The following AKT3 variants were observed in gnomAD, a reference collection of about 807,000 sequenced individuals.
AKT3 encodes the protein AKT serine/threonine kinase 3.
In AKT3, 15 loss-of-function variants were observed where a neutral mutation model predicts 65.3. The observed-to-expected ratio is 0.23, with a 90% CI of 0.15 to 0.35. The LOEUF (loss-of-function observed/expected upper bound fraction) is 0.35. Among genes scored for constraint, AKT3 ranks in the 10% least tolerant of loss-of-function variants. AKT3 has a pLI of 1.00. For missense variants in AKT3, 243 were observed against 576.5 expected (o/e 0.42, Z 5.92); for synonymous variants, 206 against 183.8 (o/e 1.12, Z -0.98).
chr1:243,696,760 C>T (rs1411298605), intron 2 of AKT3, among the ~76,000 whole-genome samples: 5 of 151,980 alleles, frequency 3.3e-5, no homozygotes, highest in African/African-American at 1.2e-4. Flanking sequence ...ATCAACTGAA[C>T]CCTTAATACG....
intron 2 of AKT3, among the ~76,000 whole-genome samples, chr1:243,712,229 T>G (rs1686208117): frequency 6.6e-6 from 1 of 152,212 alleles, no homozygotes; most frequent in South Asian, 2.1e-4. Flanking sequence ...AAAGGAAAAG[T>G]CAAGGTGGCT....
intron 3 of AKT3, among the ~76,000 whole-genome samples, chr1:243,677,459 A>G (rs977939183): frequency 1.3e-5 from 2 of 152,152 alleles, no homozygotes; most frequent in African/African-American, 4.8e-5. Context: ...AACATTTCAG[A>G]AACAATATAA....
intron 12 of AKT3, among the ~76,000 whole-genome samples, chr1:243,515,710 G>A (rs1249961848): frequency 6.6e-6 from 1 of 152,120 alleles, no homozygotes; most frequent in Non-Finnish European, 1.5e-5. Flanking sequence ...CTCTTTGCGG[G>A]CCAGGTGTGG....
intron 2 of AKT3, among the ~76,000 whole-genome samples, chr1:243,832,985 C>T (rs1345293188): frequency 1.3e-5 from 2 of 152,082 alleles, no homozygotes; most frequent in African/African-American, 2.4e-5. Context: ...TGAGGCCGGG[C>T]GCAGTGGCTC....
At chr1:243,515,960 G>A (rs1295041658) in intron 12 of AKT3, among the ~76,000 whole-genome samples, 1 of 148,252 alleles carries the variant, frequency 6.7e-6, no homozygotes. Context: ...CTGGGCGACG[G>A]AGCAAGACTC....
At chr1:243,799,743 G>C (rs1045270708) in intron 2 of AKT3, among the ~76,000 whole-genome samples, 1 of 152,086 alleles carries the variant, frequency 6.6e-6, no homozygotes, top group Non-Finnish European at 1.5e-5. Context: ...GAGCTTTTTT[G>C]AAAGTCTGAT....
chr1:243,712,325 A>G (rs1306026863), intron 2 of AKT3, among the ~76,000 whole-genome samples: 1 of 152,216 alleles, frequency 6.6e-6, no homozygotes, highest in Non-Finnish European at 1.5e-5. Flanking sequence ...TTTTCTAGAT[A>G]GACCTGACCT....
intron 8 of AKT3, among the ~76,000 whole-genome samples, chr1:243,573,964 T>C (rs751566060): frequency 2.0e-5 from 3 of 152,180 alleles, no homozygotes; most frequent in African/African-American, 4.8e-5. Flanking sequence ...TCTTTGTTGT[T>C]GAAACATGCT....
Position 243,645,870 on chromosome 1 carries a change from G to A in AKT3, c.429+23C>T, listed in dbSNP as rs759887752. ...CTTCCAGACAAATGAATGCTGTGCT[G>A]GGAATAAGTTATTATTTTCTACCTT... On this transcript the variant is annotated intron_variant, in intron 5 of 13. Coordinates refer to ENST00000673466, the MANE Select transcript of AKT3 (RefSeq NM_005465.7). 8 of 1,585,758 alleles carry A rather than the reference G, an allele frequency of 5.0e-6. No individual in the cohort carries two copies. The African/African-American group carries it at 9.5e-5, about 19-fold the overall frequency.
chr1:243,596,037 T>G (rs2148563008), intron 8 of AKT3, among the ~76,000 whole-genome samples: 1 of 152,294 alleles, frequency 6.6e-6, no homozygotes, highest in African/African-American at 2.4e-5. Context: ...CAGTATGACT[T>G]ACAACATTTA....
At chr1:243,806,564 T>C (rs183068229) in intron 2 of AKT3, among the ~76,000 whole-genome samples, 96 of 152,330 alleles carry the variant, frequency 6.3e-4, no homozygotes, top group African/African-American at 2.0e-3. Context: ...ATGTGTCTTA[T>C]CTTCTTAAAT....
chr1:243,694,538 TAA>T (rs1421978072), intron 3 of AKT3, among the ~76,000 whole-genome samples: 5 of 151,912 alleles, frequency 3.3e-5, no homozygotes, highest in African/African-American at 1.2e-4. Context: ...CTTTTTTTTT[TAA>T]GTTAGTATCC....
chr1:243,513,729 T>C (rs566159192), intron 12 of AKT3, among the ~76,000 whole-genome samples: 2 of 152,314 alleles, frequency 1.3e-5, no homozygotes, highest in South Asian at 2.1e-4. Flanking sequence ...AAGCACTCCT[T>C]TGGGGATGAA....
rs1225442212 is a variant in AKT3, at chr1:243,619,507, A to G, written c.562-4346T>C. ...ATCAACTCCATCTCCCCATCCCCCT[A>G]CCATTCCCAGCCTCTAGGAACAACC... On this transcript the variant is annotated intron_variant, in intron 6 of 13. Coordinates refer to ENST00000673466, the MANE Select transcript of AKT3 (RefSeq NM_005465.7). Among the ~76,000 whole-genome samples, 2 of 41,670 alleles carry G rather than the reference A, an allele frequency of 4.8e-5. 1 individual carries two copies. Among genetic ancestry groups the G allele is most frequent in the Non-Finnish European group, 2.7e-4 (2 of 7,500 alleles). 27.3% of individuals were successfully genotyped at this position (41,670 alleles called of 152,430 possible).
chr1:243,791,765 G>A (rs115314899), intron 2 of AKT3, among the ~76,000 whole-genome samples: 26 of 152,274 alleles, frequency 1.7e-4, no homozygotes, highest in South Asian at 8.3e-4. Context: ...GCCCCTGGGC[G>A]GCATAAAGAA....
At chr1:243,839,349 T>C (rs951493417) in intron 2 of AKT3, among the ~76,000 whole-genome samples, 1 of 152,144 alleles carries the variant, frequency 6.6e-6, no homozygotes, top group African/African-American at 2.4e-5. Flanking sequence ...AGTAAGATCA[T>C]TTAGTAAGTA....
intron 8 of AKT3, among the ~76,000 whole-genome samples, chr1:243,581,046 G>A (rs1675308862): frequency 6.6e-6 from 1 of 152,136 alleles, no homozygotes; most frequent in African/African-American, 2.4e-5. Flanking sequence ...TACTCTCCTG[G>A]ACTAGAAGTT....
chr1:243,489,123 G>A, intron 13 of AKT3: 1 of 1,612,650 alleles, frequency 6.2e-7, no homozygotes, highest in Non-Finnish European at 8.5e-7. Flanking sequence ...GGAAGAGGTG[G>A]ACCGGCTGCG....
chr1:243,803,272 T>C (rs1201622398), intron 2 of AKT3, among the ~76,000 whole-genome samples: 2 of 152,162 alleles, frequency 1.3e-5, no homozygotes, highest in Non-Finnish European at 2.9e-5. Flanking sequence ...TCCAGATCTA[T>C]CTGCCTCCAA....
Sources: gnomAD v4.1 joint callset for allele counts (sites outside exome capture counted in the v4.1 genomes callset) on GRCh38, gnomAD v4.1.1 for gene constraint, MANE v1.5 for transcripts, NCBI Gene and HGNC (gene_info 2026-07-23, HGNC 2026-07-21) for gene names.